The following AR variants were observed in gnomAD, a reference collection of about 807,000 sequenced individuals.
AR encodes androgen receptor.
Under a neutral mutation model 53.9 loss-of-function variants are expected in AR, and 8 were observed. The ratio of observed to expected loss-of-function variants is 0.15; its 90% confidence interval spans 0.09 to 0.27. The LOEUF is 0.27. Among genes scored for constraint, AR ranks in the 10% least tolerant of loss-of-function variants. The pLI is 1.00. For missense variants in AR, 639 were observed against 742.5 expected, an observed-to-expected ratio of 0.86 and a Z score of 1.62; for synonymous variants, 359 against 316.4, an observed-to-expected ratio of 1.13 and a Z score of -1.43.
chrX:67,720,805 CTTTG>C (rs199680112), intron 5 of AR, among the ~76,000 whole-genome samples: 3,439 of 109,902 alleles, frequency 0.031, 128 homozygotes, highest in African/African-American at 0.11. Context: ...TCTGGGAGGT[CTTTG>C]TCCTCACCAC....
chrX:67,613,285 A>G (rs1287572639), intron 1 of AR, among the ~76,000 whole-genome samples: 1 of 112,084 alleles, frequency 8.9e-6, no homozygotes, highest in African/African-American at 3.2e-5. Flanking sequence ...ATTCTATTGC[A>G]GTGACAGAGG....
At chrX:67,720,469 A>G (rs192451306) in intron 5 of AR, among the ~76,000 whole-genome samples, 1 of 112,021 alleles carries the variant, frequency 8.9e-6, no homozygotes, top group Non-Finnish European at 1.9e-5. Context: ...CAGAGGTGGG[A>G]AAGTACATTG....
At chrX:67,695,147 C>T (rs746284047) in intron 3 of AR, 2 of 760,223 alleles carry the variant, frequency 2.6e-6, no homozygotes, top group Non-Finnish European at 3.1e-6. Flanking sequence ...GCTGATGGGA[C>T]TCAAGGTGTC....
chrX:67,620,264 T>C (rs757702061), intron 1 of AR, among the ~76,000 whole-genome samples: 1 of 106,403 alleles, frequency 9.4e-6, no homozygotes, highest in South Asian at 4.0e-4. Flanking sequence ...TAGGTTTTGG[T>C]TTTTTTTTTC....
intron 2 of AR, among the ~76,000 whole-genome samples, chrX:67,661,224 G>T (rs927631215): frequency 1.8e-5 from 2 of 110,850 alleles, no homozygotes; most frequent in African/African-American, 6.6e-5. Flanking sequence ...CTGCCTGATT[G>T]CCCTGGCCAG....
chrX:67,691,078 G>T (rs1046511636), intron 3 of AR, among the ~76,000 whole-genome samples: 1 of 112,288 alleles, frequency 8.9e-6, no homozygotes. Flanking sequence ...AAGAAAACTG[G>T]CAGCAGCACA....
chrX:67,645,520 G>A (rs1304535401), intron 2 of AR, among the ~76,000 whole-genome samples: 2 of 111,245 alleles, frequency 1.8e-5, no homozygotes, highest in Admixed American at 9.6e-5. Flanking sequence ...GTTTCAAAAC[G>A]CTCTACACCT....
intron 3 of AR, among the ~76,000 whole-genome samples, chrX:67,691,647 G>T (rs1164230691): frequency 8.9e-6 from 1 of 111,770 alleles, no homozygotes; most frequent in Non-Finnish European, 1.9e-5. Flanking sequence ...TATCCTATAG[G>T]CAGAGAATAC....
chrX:67,610,187 T>C (rs1334693301), intron 1 of AR, among the ~76,000 whole-genome samples: 1 of 111,200 alleles, frequency 9.0e-6, no homozygotes, highest in Non-Finnish European at 1.9e-5. Flanking sequence ...CTCTGTAGTC[T>C]TGGGCCTGGT....
At chrX:67,570,354 T>A (rs1311153981) in intron 1 of AR, among the ~76,000 whole-genome samples, 1 of 112,621 alleles carries the variant, frequency 8.9e-6, no homozygotes, top group African/African-American at 3.2e-5. Context: ...TTTTGTGAAA[T>A]AACTCACGTT....
At chrX:67,647,592 A>G (rs188905476) in intron 2 of AR, among the ~76,000 whole-genome samples, 72 of 112,226 alleles carry the variant, frequency 6.4e-4, no homozygotes, top group African/African-American at 2.2e-3. Flanking sequence ...TTCATCAGGT[A>G]TCTTTGGCCA....
intron 1 of AR, among the ~76,000 whole-genome samples, chrX:67,624,904 CAAAAAAAAA>C (rs140323582): frequency 5.0e-4 from 9 of 18,181 alleles, no homozygotes; most frequent in African/African-American, 1.1e-3. Context: ...GGCAATTAGG[CAAAAAAAAA>C]AAAAAAAAAA....
chrX:67,627,740 G>A (rs1306368121), intron 1 of AR, among the ~76,000 whole-genome samples: 5 of 111,450 alleles, frequency 4.5e-5, no homozygotes, highest in Non-Finnish European at 9.4e-5. Flanking sequence ...GTAATGCCTA[G>A]GTTTTCTTCT....
intron 1 of AR, among the ~76,000 whole-genome samples, chrX:67,615,739 G>A (rs957309319): frequency 9.0e-6 from 1 of 111,623 alleles, no homozygotes; most frequent in South Asian, 3.7e-4. Context: ...ACAATAAAAT[G>A]TAAAAGAGGG....
intron 1 of AR, among the ~76,000 whole-genome samples, chrX:67,622,766 C>T (rs1293795158): frequency 9.0e-6 from 1 of 111,522 alleles, no homozygotes; most frequent in Non-Finnish European, 1.9e-5. Context: ...AACATGGTGG[C>T]AGTTACCTCC....
intron 1 of AR, among the ~76,000 whole-genome samples, chrX:67,580,088 G>T (rs1284751669): frequency 1.8e-5 from 2 of 108,723 alleles, no homozygotes; most frequent in African/African-American, 6.7e-5. Flanking sequence ...GTATTTGTCA[G>T]ATCCTGCTCC....
intron 1 of AR, among the ~76,000 whole-genome samples, chrX:67,599,344 A>G (rs750378762): frequency 7.4e-4 from 83 of 112,143 alleles, no homozygotes; most frequent in Admixed American, 1.0e-3. Flanking sequence ...TGGCGTAGTG[A>G]GTTCACTACT....
At chrX:67,723,075 G>A (rs1569316174) in intron 7 of AR, 91 bp downstream of exon 7, 1 of 1,057,313 alleles carries the variant, frequency 9.5e-7, no homozygotes, top group Non-Finnish European at 1.3e-6. Context: ...ACCACCTGTT[G>A]GGAGGTGCTT....
chrX:67,673,715 A>G lies in AR; in HGVS notation c.1769-12295A>G, dbSNP rs113772219. On this transcript the variant is annotated intron_variant, in intron 2 of 7. Coordinates refer to ENST00000374690, the MANE Select transcript of AR (RefSeq NM_000044.6). ...CTTAGTGTTATCTTTAATTTCCTTG[A>G]ATTTCCTCAACACAACTATTTTGAA... Among the ~76,000 whole-genome samples, 748 of 110,281 alleles carry G rather than the reference A, an allele frequency of 6.8e-3. 3 individuals are homozygous for G. Among genetic ancestry groups the G allele is most frequent in the Non-Finnish European group, 0.011 (580 of 52,818 alleles).
Sources: gnomAD v4.1 joint callset for allele counts (sites outside exome capture counted in the v4.1 genomes callset) on GRCh38, gnomAD v4.1.1 for gene constraint, MANE v1.5 for transcripts, NCBI Gene and HGNC (gene_info 2026-07-23, HGNC 2026-07-21) for gene names.